HSPA12A: variants seen among roughly 807,000 people sequenced by gnomAD.
HSPA12A encodes the protein heat shock protein family A (Hsp70) member 12A.
In HSPA12A, 28 loss-of-function variants were observed where a neutral mutation model predicts 69.2. The ratio of observed to expected loss-of-function variants is 0.40; its 90% CI spans 0.30 to 0.55. The LOEUF (loss-of-function observed/expected upper bound fraction) is 0.55, where lower values mean the gene tolerates loss of function less well. Among genes scored for constraint, HSPA12A ranks in the 20% least tolerant of loss-of-function variants. The probability of loss-of-function intolerance (pLI) is 0.38; values close to 1 mark genes in which losing one functional copy is unlikely to be tolerated. For missense variants in HSPA12A, 686 were observed against 900.7 expected (o/e 0.76, Z 3.05); for synonymous variants, 345 against 370.5 (o/e 0.93, Z 0.79).
chr10:116,794,303 C>A (rs1409593170), intron 2 of HSPA12A, among the ~76,000 whole-genome samples: 1 of 152,112 alleles, frequency 6.6e-6, no homozygotes. Context: ...TTAAATCCAA[C>A]TTTTTGCTAT....
rs574959108 is a variant in HSPA12A at position 116,824,470 on chromosome 10, T to C, written c.91+10465A>G. On this transcript the variant is annotated intron_variant, in intron 2 of 12. Coordinates refer to the HSPA12A transcript ENST00000635765. ...TGGTCCATATCAACATTATTCATAA[T>C]AGCCCCAAAATGAAAACAACCCAAA... 1.8e-3 allele frequency among the ~76,000 whole-genome samples: 273 copies of C among 152,328 alleles called. 1 individual carries two copies. The highest frequency in any genetic ancestry group is 5.8e-3 in the African/African-American group (240 of 41,578).
At chr10:116,817,652 C>T (rs1020381174) in intron 2 of HSPA12A, among the ~76,000 whole-genome samples, 9 of 152,032 alleles carry the variant, frequency 5.9e-5, no homozygotes, top group African/African-American at 1.9e-4. Flanking sequence ...TGGAGAATCG[C>T]GGCCATTGTT....
At position 116,699,120 on chromosome 10, in the gene HSPA12A, C is replaced by G. The variant is rs529310177; in HGVS notation, c.442-381G>C. Reference sequence around the variant, plus strand: ...CCACATTCGAACACACATGGTCACGCTCAGGATCCCCCCTGATGGAGGCCT... The same window carrying G: ...CCACATTCGAACACACATGGTCACGGTCAGGATCCCCCCTGATGGAGGCCT... On this transcript the variant is annotated intron_variant, in intron 4 of 11. Coordinates refer to ENST00000369209, the MANE Select transcript of HSPA12A (RefSeq NM_025015.3). Among the ~76,000 whole-genome samples the G allele has an allele frequency of 1.2e-4, 17 of 146,690 alleles. 1 individual carries two copies. In the South Asian group the frequency reaches 4.0e-3, roughly 34 times the overall value.
intron 1 of HSPA12A, among the ~76,000 whole-genome samples, chr10:116,713,974 T>C (rs1850524621): frequency 6.6e-6 from 1 of 151,430 alleles, no homozygotes. Flanking sequence ...GCTCTTGACA[T>C]GTCACAAGCA....
chr10:116,770,269 C>T (rs1158776435), intron 2 of HSPA12A, among the ~76,000 whole-genome samples: 3 of 152,128 alleles, frequency 2.0e-5, no homozygotes, highest in African/African-American at 7.2e-5. Flanking sequence ...CTTATGCGGC[C>T]CCTGTGAGAG....
intron 2 of HSPA12A, among the ~76,000 whole-genome samples, chr10:116,818,378 C>G (rs908704208): frequency 6.6e-6 from 1 of 152,130 alleles, no homozygotes; most frequent in Non-Finnish European, 1.5e-5. Context: ...GTTCTCTTCC[C>G]TGCTTTACCC....
intron 2 of HSPA12A, among the ~76,000 whole-genome samples, chr10:116,748,010 AAAAT>A (rs1851688686): frequency 6.6e-6 from 1 of 152,212 alleles, no homozygotes; most frequent in African/African-American, 2.4e-5. Context: ...AAAAAAATAA[AAAAT>A]AAATAAATAA....
intron 1 of HSPA12A, among the ~76,000 whole-genome samples, chr10:116,735,639 C>T (rs1851291759): frequency 6.6e-6 from 1 of 152,058 alleles, no homozygotes. Context: ...ACATAAGTGA[C>T]CACAGGGAAG....
chr10:116,786,974 C>T (rs909887837), intron 2 of HSPA12A, among the ~76,000 whole-genome samples: 9 of 138,886 alleles, frequency 6.5e-5, no homozygotes, highest in African/African-American at 2.4e-4. Flanking sequence ...AATGCCCAAT[C>T]ACCTCCCGGA....
At chr10:116,719,081 T>C (rs1182846553) in intron 1 of HSPA12A, among the ~76,000 whole-genome samples, 1 of 152,186 alleles carries the variant, frequency 6.6e-6, no homozygotes, top group African/African-American at 2.4e-5. Flanking sequence ...GCTGCCAAGA[T>C]ACTGCTGTGT....
chr10:116,770,875 G>A (rs1844188780), intron 2 of HSPA12A, among the ~76,000 whole-genome samples: 1 of 134,178 alleles, frequency 7.5e-6, no homozygotes, highest in Non-Finnish European at 1.6e-5. Context: ...ATGCCTTCGG[G>A]TCACTTAACA....
At chr10:116,816,778 C>G (rs1434125995) in intron 2 of HSPA12A, among the ~76,000 whole-genome samples, 1 of 152,134 alleles carries the variant, frequency 6.6e-6, no homozygotes, top group Admixed American at 6.5e-5. Flanking sequence ...TTGCCTGGAG[C>G]CCTCGCCAGT....
chr10:116,850,204 C>T, upstream of HSPA12A: 1 of 228,326 alleles, frequency 4.4e-6, no homozygotes, highest in Non-Finnish European at 8.8e-6. Context: ...CCTCATCCTA[C>T]TGGCTCCTCT....
chr10:116,692,276 C>G (rs1008886204), intron 6 of HSPA12A, 75 bp downstream of exon 6: 26 of 1,116,414 alleles, frequency 2.3e-5, no homozygotes, highest in Middle Eastern at 2.0e-4. Flanking sequence ...GGTACCTGGG[C>G]GGGGCTACAG....
At chr10:116,810,016 C>T (rs1246959223) in intron 2 of HSPA12A, among the ~76,000 whole-genome samples, 2 of 152,128 alleles carry the variant, frequency 1.3e-5, no homozygotes, top group African/African-American at 2.4e-5. Context: ...GGAAAACAAC[C>T]GAAGCCCACC....
chr10:116,697,034 T>A (rs1392752526), intron 5 of HSPA12A, among the ~76,000 whole-genome samples: 1 of 152,064 alleles, frequency 6.6e-6, no homozygotes, highest in East Asian at 1.9e-4. Context: ...CACACACTCC[T>A]GTATACTGAG....
chr10:116,756,254 A>C (rs529465680), intron 2 of HSPA12A, among the ~76,000 whole-genome samples: 6 of 152,336 alleles, frequency 3.9e-5, no homozygotes, highest in Admixed American at 2.6e-4. Flanking sequence ...GCTGTATCCT[A>C]ACTCTACTGT....
chr10:116,820,795 T>G (rs142444197), intron 2 of HSPA12A, among the ~76,000 whole-genome samples: 92 of 152,154 alleles, frequency 6.0e-4, no homozygotes, highest in African/African-American at 2.0e-3. Flanking sequence ...ATATCTCCAC[T>G]TGCAGTCTAA....
At chr10:116,702,271 G>A (rs1328087180) in intron 3 of HSPA12A, among the ~76,000 whole-genome samples, 2 of 152,130 alleles carry the variant, frequency 1.3e-5, no homozygotes, top group African/African-American at 2.4e-5. Flanking sequence ...GCCCAACCAG[G>A]TCCTGGCTCC....
Sources: gnomAD v4.1 joint callset for allele counts (sites outside exome capture counted in the v4.1 genomes callset) on GRCh38, gnomAD v4.1.1 for gene constraint, MANE v1.5 for transcripts, NCBI Gene and HGNC (gene_info 2026-07-23, HGNC 2026-07-21) for gene names.